Variants in CSMD1 observed in about 807,000 individuals in gnomAD.
CSMD1 encodes CUB and sushi domain-containing protein 1.
Under a neutral mutation model 417.5 loss-of-function variants are expected in CSMD1, and 213 were observed. That is an observed-to-expected ratio of 0.51 (90% CI 0.46 to 0.57). CSMD1 has a LOEUF of 0.57. Among genes scored for constraint, CSMD1 ranks in the 20% least tolerant of loss-of-function variants. The pLI is 0.00. For missense variants in CSMD1, 6,923 were observed against 4,529.7 expected, an observed-to-expected ratio of 1.53 and a Z score of -15.17; for synonymous variants, 2,862 against 1,736.8, an observed-to-expected ratio of 1.65 and a Z score of -16.11.
intron 5 of CSMD1, among the ~76,000 whole-genome samples, chr8:3,866,860 G>C (rs1001054187): frequency 6.6e-6 from 1 of 152,068 alleles, no homozygotes; most frequent in Admixed American, 6.5e-5. Context: ...ATGTTACTAG[G>C]ACTCCAGTTC....
At chr8:3,674,511 G>C (rs530290972) in intron 7 of CSMD1, among the ~76,000 whole-genome samples, 1 of 152,082 alleles carries the variant, frequency 6.6e-6, no homozygotes, top group African/African-American at 2.4e-5. Context: ...AGTATACCGT[G>C]AATCATTAGA....
intron 2 of CSMD1, among the ~76,000 whole-genome samples, chr8:4,445,100 A>C (rs898700481): frequency 1.3e-5 from 2 of 152,230 alleles, no homozygotes; most frequent in African/African-American, 4.8e-5. Flanking sequence ...TTCTCTGAAC[A>C]ACAAAAAAAG....
chr8:4,629,502 C>G (rs1345060054), intron 2 of CSMD1, among the ~76,000 whole-genome samples: 2 of 152,092 alleles, frequency 1.3e-5, no homozygotes, highest in African/African-American at 4.8e-5. Context: ...AGAAGTGCAT[C>G]TTACAAATTA....
At chr8:4,485,323 A>C (rs1159602669) in intron 2 of CSMD1, among the ~76,000 whole-genome samples, 2 of 152,070 alleles carry the variant, frequency 1.3e-5, no homozygotes, top group Non-Finnish European at 2.9e-5. Context: ...TACCAACCAA[A>C]CTCTTCAAAC....
intron 3 of CSMD1, among the ~76,000 whole-genome samples, chr8:4,392,843 C>T (rs539679123): frequency 6.6e-6 from 1 of 151,944 alleles, no homozygotes; most frequent in African/African-American, 2.4e-5. Flanking sequence ...TGGCAGGCAC[C>T]TGTAATCCCA....
chr8:4,759,785 G>C (rs942599126), intron 1 of CSMD1, among the ~76,000 whole-genome samples: 1 of 152,206 alleles, frequency 6.6e-6, no homozygotes, highest in Non-Finnish European at 1.5e-5. Flanking sequence ...TAGTACATAT[G>C]TACCAGTTTC....
In CSMD1 at chr8:4,988,702, G is replaced by C. The variant is rs188343269; in HGVS notation, c.85+5630C>G. 1.7e-3 allele frequency among the ~76,000 whole-genome samples: 261 copies of C among 152,306 alleles called. 2 individuals carry two copies. Among genetic ancestry groups the C allele is most frequent in the African/African-American group, 6.1e-3 (255 of 41,564 alleles). On this transcript the variant is annotated intron_variant, in intron 1 of 69. Transcript: ENST00000635120. Reference sequence around the variant, plus strand: ...ATAAACATTCTGCAACTTCCCTAAAGCACTGATGGCATTTTCCTCTCCCAT... The same window carrying C: ...ATAAACATTCTGCAACTTCCCTAAACCACTGATGGCATTTTCCTCTCCCAT...
chr8:3,591,674 T>C (rs919865784), intron 8 of CSMD1, among the ~76,000 whole-genome samples: 1 of 152,004 alleles, frequency 6.6e-6, no homozygotes, highest in Non-Finnish European at 1.5e-5. Flanking sequence ...ATGCAACCAA[T>C]AGATAGATGA....
At chr8:3,870,577 T>G (rs1345273334) in intron 5 of CSMD1, among the ~76,000 whole-genome samples, 1 of 152,192 alleles carries the variant, frequency 6.6e-6, no homozygotes, top group Non-Finnish European at 1.5e-5. Flanking sequence ...CAACTATTTG[T>G]AACAGAGGAT....
chr8:3,293,691 G>C (rs1803751155), intron 25 of CSMD1, among the ~76,000 whole-genome samples: 1 of 152,118 alleles, frequency 6.6e-6, no homozygotes, highest in African/African-American at 2.4e-5. Context: ...GTCCTTTAAG[G>C]ACTTCTGTGC....
At chr8:3,428,272 C>T (rs1813985521) in intron 12 of CSMD1, among the ~76,000 whole-genome samples, 1 of 151,156 alleles carries the variant, frequency 6.6e-6, no homozygotes, top group South Asian at 2.2e-4. Flanking sequence ...CTTTAGAAAA[C>T]AAACAAACGG....
chr8:3,722,293 G>A (rs927392020), intron 6 of CSMD1, among the ~76,000 whole-genome samples: 1 of 152,184 alleles, frequency 6.6e-6, no homozygotes, highest in South Asian at 2.1e-4. Flanking sequence ...GGGCGACAGA[G>A]TGAGACTCCA....
chr8:3,858,778 T>C (rs1468527972), intron 5 of CSMD1, among the ~76,000 whole-genome samples: 1 of 152,164 alleles, frequency 6.6e-6, no homozygotes, highest in Middle Eastern at 3.2e-3. Context: ...TTATTTAGGA[T>C]TTAAAAGCAC....
chr8:4,101,382 C>G (rs1381494778), intron 3 of CSMD1, among the ~76,000 whole-genome samples: 1 of 152,112 alleles, frequency 6.6e-6, no homozygotes, highest in African/African-American at 2.4e-5. Flanking sequence ...GGGGCCCTGA[C>G]AACGATCCCA....
intron 1 of CSMD1, among the ~76,000 whole-genome samples, chr8:4,709,364 C>A (rs1808147456): frequency 6.6e-6 from 1 of 152,096 alleles, no homozygotes; most frequent in South Asian, 2.1e-4. Context: ...GGCTGTATGT[C>A]CCATTGTGTG....
At chr8:4,019,684 C>G (rs889285969) in intron 4 of CSMD1, among the ~76,000 whole-genome samples, 3 of 152,136 alleles carry the variant, frequency 2.0e-5, no homozygotes, top group Non-Finnish European at 4.4e-5. Context: ...TGAGATAATG[C>G]TGCTCCTGCT....
At chr8:3,473,315 G>C (rs1465489452) in intron 11 of CSMD1, among the ~76,000 whole-genome samples, 1 of 152,018 alleles carries the variant, frequency 6.6e-6, no homozygotes, top group African/African-American at 2.4e-5. Context: ...ACTCATTTTG[G>C]AATTTAAGCC....
chr8:3,314,125 TG>T, intron 23 of CSMD1, among the ~76,000 whole-genome samples: 1 of 146,062 alleles, frequency 6.8e-6, no homozygotes, highest in African/African-American at 2.6e-5. Context: ...TGTTGTGGGG[TG>T]GGGGGAGTGG....
At chr8:3,634,843 T>C (rs573197524) in intron 7 of CSMD1, among the ~76,000 whole-genome samples, 2 of 152,250 alleles carry the variant, frequency 1.3e-5, no homozygotes, top group African/African-American at 4.8e-5. Flanking sequence ...TTTGCAAACA[T>C]CACACAGTGC....
Sources: gnomAD v4.1 joint callset for allele counts (sites outside exome capture counted in the v4.1 genomes callset) on GRCh38, gnomAD v4.1.1 for gene constraint, MANE v1.5 for transcripts, NCBI Gene and HGNC (gene_info 2026-07-23, HGNC 2026-07-21) for gene names.